The following ZSWIM5 variants were observed in gnomAD, a reference collection of about 807,000 sequenced individuals.
ZSWIM5 encodes the protein zinc finger SWIM-type containing 5.
ZSWIM5 carries 55 observed loss-of-function variants against 119.6 expected under a neutral mutation model. The observed-to-expected ratio is 0.46, with a 90% CI of 0.37 to 0.58. ZSWIM5 has a LOEUF of 0.58. Ranked by LOEUF, ZSWIM5 falls within the 20% of genes least tolerant of loss-of-function variation. The pLI is 0.00. For missense variants in ZSWIM5, 1,193 were observed against 1,512.8 expected (o/e 0.79, Z 3.51); for synonymous variants, 537 against 606.9 (o/e 0.88, Z 1.69).
intron 3 of ZSWIM5, among the ~76,000 whole-genome samples, chr1:45,059,361 G>A (rs543682553): frequency 6.6e-6 from 1 of 152,230 alleles, no homozygotes; most frequent in South Asian, 2.1e-4. Context: ...TGACACTGAT[G>A]AATCTTAAAA....
In ZSWIM5 at chr1:45,072,109, T is replaced by C. The variant is rs991599414; in HGVS notation, c.953-11862A>G. 6.6e-6 allele frequency among the ~76,000 whole-genome samples: 1 copy of C among 152,056 alleles called. No individual in the cohort carries two copies. The highest frequency in any genetic ancestry group is 2.4e-5 in the African/African-American group (1 of 41,330). Reference sequence around the variant, plus strand: ...CTTCTTATTGCCTGTCTTTTGGATATAAGCCATTTTTACTGAGGTGAGATG... The same window carrying C: ...CTTCTTATTGCCTGTCTTTTGGATACAAGCCATTTTTACTGAGGTGAGATG... On this transcript the variant is annotated intron_variant, in intron 2 of 13. Coordinates refer to ENST00000359600, the MANE Select transcript of ZSWIM5 (RefSeq NM_020883.2). The surrounding 1 kb of genome is among the most constrained non-coding windows in gnomAD (Gnocchi z 4.1).
chr1:45,060,080 ACACCTTTT>A lies in ZSWIM5; in HGVS notation c.1101+11_1101+18del. On this transcript the variant is annotated intron_variant, in intron 3 of 13. Transcript: ENST00000359600. The stretch of plus-strand genomic sequence containing the variant: ...TTCTTTTGTCAACAACAAAAGAAAA[ACACCTTTT>A]CATATCTTACCTTGGCAAACATTGA... 1.9e-6 allele frequency: 3 copies of A among 1,613,576 alleles called. No homozygotes were observed. Among genetic ancestry groups the A allele is most frequent in the Non-Finnish European group, 2.5e-6 (3 of 1,179,758 alleles).
At chr1:45,190,984 T>C (rs1488575378) in intron 1 of ZSWIM5, among the ~76,000 whole-genome samples, 2 of 137,654 alleles carry the variant, frequency 1.5e-5, no homozygotes, top group African/African-American at 5.4e-5. Flanking sequence ...TCTCGCTCTT[T>C]CGCCCAGGCC....
chr1:45,096,434 T>G (rs1253341693), intron 1 of ZSWIM5, among the ~76,000 whole-genome samples: 6 of 144,344 alleles, frequency 4.2e-5, no homozygotes, highest in African/African-American at 1.5e-4. Flanking sequence ...AGATAACTGT[T>G]TGTGTGTGTG....
At chr1:45,090,803 C>T (rs1272186228) in intron 1 of ZSWIM5, among the ~76,000 whole-genome samples, 1 of 150,388 alleles carries the variant, frequency 6.6e-6, no homozygotes, top group Non-Finnish European at 1.5e-5. Flanking sequence ...TAGCCTGGGA[C>T]ACGGGGTGAG....
intron 1 of ZSWIM5, among the ~76,000 whole-genome samples, chr1:45,204,980 A>G (rs1461215949): frequency 6.6e-6 from 1 of 152,172 alleles, no homozygotes; most frequent in African/African-American, 2.4e-5. Flanking sequence ...AATCATTTGT[A>G]TAATATATTT....
intron 1 of ZSWIM5, among the ~76,000 whole-genome samples, chr1:45,099,590 C>CA (rs1429268451): frequency 3.9e-5 from 6 of 151,984 alleles, no homozygotes; most frequent in African/African-American, 9.7e-5. Context: ...GGCAGAGACA[C>CA]ACAAAAAAAG....
intron 2 of ZSWIM5, among the ~76,000 whole-genome samples, chr1:45,067,386 G>A (rs924127115): frequency 5.3e-5 from 8 of 151,652 alleles, no homozygotes; most frequent in Middle Eastern, 6.8e-3. Context: ...GCTGCAGTGA[G>A]CTGTGATTGT....
intron 1 of ZSWIM5, among the ~76,000 whole-genome samples, chr1:45,146,122 A>T (rs912585037): frequency 6.6e-6 from 1 of 152,214 alleles, no homozygotes; most frequent in African/African-American, 2.4e-5. Flanking sequence ...AATTGGAGTT[A>T]ACAAGTATAG....
chr1:45,183,407 C>T (rs1344504312), intron 1 of ZSWIM5, among the ~76,000 whole-genome samples: 3 of 151,856 alleles, frequency 2.0e-5, no homozygotes, highest in African/African-American at 7.3e-5. Flanking sequence ...TCAGAGCAGA[C>T]CTGAAGGAAA....
intron 5 of ZSWIM5, among the ~76,000 whole-genome samples, chr1:45,048,631 T>C (rs2148996433): frequency 6.6e-6 from 1 of 152,254 alleles, no homozygotes; most frequent in East Asian, 1.9e-4. Context: ...GCAAGATTGA[T>C]GGTGGTAACT....
chr1:45,047,547 A>G (rs4660834), intron 5 of ZSWIM5, among the ~76,000 whole-genome samples: 129,264 of 152,154 alleles, frequency 0.85, 54,953 homozygotes, highest in South Asian at 0.93. Flanking sequence ...TGTACACTCA[A>G]GAATAATTCA....
chr1:45,155,182 T>C (rs900819653), intron 1 of ZSWIM5, among the ~76,000 whole-genome samples: 3 of 151,372 alleles, frequency 2.0e-5, no homozygotes, highest in African/African-American at 7.3e-5. Flanking sequence ...CTCAAACAAA[T>C]TAGCAAGAAA....
chr1:45,177,484 A>G (rs1645988401), intron 1 of ZSWIM5, among the ~76,000 whole-genome samples: 2 of 152,114 alleles, frequency 1.3e-5, no homozygotes, highest in Admixed American at 6.6e-5. Context: ...CTGTGAAATC[A>G]ATAATGGTGA....
chr1:45,132,895 A>G (rs974321605), intron 1 of ZSWIM5, among the ~76,000 whole-genome samples: 4 of 152,162 alleles, frequency 2.6e-5, no homozygotes, highest in African/African-American at 9.7e-5. Context: ...TAGTTTGCTG[A>G]GAATGATGGT....
At position 45,040,493 on chromosome 1, in the gene ZSWIM5, T is replaced by C; in HGVS notation, c.1655A>G (p.His552Arg). The C allele has an allele frequency of 6.2e-7, 1 of 1,612,374 alleles. No homozygotes were observed. The highest frequency in any genetic ancestry group is 8.5e-7 in the Non-Finnish European group (1 of 1,179,204). The change falls in exon 7 of 14, where the codon CAT becomes CGT. Residue 552 changes from histidine (H) to arginine (R), a missense_variant. His to Arg is a conservative substitution (Grantham distance 29, BLOSUM62 0). This residue lies in a region of ZSWIM5 where 961 missense variants were observed against 1,290.0 expected (regional missense o/e 0.74). Coordinates refer to ENST00000359600, the MANE Select transcript of ZSWIM5 (RefSeq NM_020883.2). The stretch of plus-strand genomic sequence containing the variant: ...TCTGAGGGCCTCTTTTGGATAACCA[T>C]GGGAACGCAGGGCGTCAACTCGAGC... ...ACARVDALRS[H>R]GYPKEALRLT...
At chr1:45,062,277 T>C (rs1397812860) in intron 2 of ZSWIM5, among the ~76,000 whole-genome samples, 2 of 152,202 alleles carry the variant, frequency 1.3e-5, no homozygotes, top group Non-Finnish European at 2.9e-5. Flanking sequence ...TCAGTTTGCC[T>C]TACTCCTCGT....
chr1:45,202,907 A>G (rs1646166357), intron 1 of ZSWIM5, among the ~76,000 whole-genome samples: 1 of 152,022 alleles, frequency 6.6e-6, no homozygotes, highest in African/African-American at 2.4e-5. Context: ...ACTCCTGAAT[A>G]AGTATTTTCC....
chr1:45,027,379 AT>A (rs1425382034), intron 11 of ZSWIM5, among the ~76,000 whole-genome samples: 7 of 151,738 alleles, frequency 4.6e-5, no homozygotes, highest in Non-Finnish European at 7.4e-5. Context: ...ATTTTATTTT[AT>A]AATTATTTTT....
Sources: gnomAD v4.1 joint callset for allele counts (sites outside exome capture counted in the v4.1 genomes callset) on GRCh38, gnomAD v4.1.1 for gene constraint, gnomAD v4.1.1 regional missense constraint, Gnocchi (gnomAD v3.1) non-coding constraint, MANE v1.5 for transcripts, NCBI Gene and HGNC (gene_info 2026-07-23, HGNC 2026-07-21) for gene names.